Variants in TMEM192 observed in about 807,000 individuals in gnomAD.
TMEM192 encodes the protein transmembrane protein 192.
TMEM192 carries 20 observed loss-of-function variants against 26.7 expected under a neutral mutation model. The observed-to-expected ratio is 0.75, with a 90% CI of 0.53 to 1.09. The LOEUF (loss-of-function observed/expected upper bound fraction) is 1.09, where lower values mean the gene tolerates loss of function less well. TMEM192 is among the 50% of genes least tolerant of loss of function. The pLI is 0.00. For synonymous variants in TMEM192, 124 were observed against 121.0 expected, an observed-to-expected ratio of 1.02 and a Z score of -0.16; for missense variants, 304 against 322.6, an observed-to-expected ratio of 0.94 and a Z score of 0.44.
At chr4:165,092,901 A>G (rs1473996811) in intron 3 of TMEM192, among the ~76,000 whole-genome samples, 1 of 151,844 alleles carries the variant, frequency 6.6e-6, no homozygotes, top group Non-Finnish European at 1.5e-5. Flanking sequence ...TGTCTCTTAA[A>G]AAAAAAATAA....
rs1388741754 is a variant in TMEM192, at chr4:165,079,868, C to G, written c.678-72G>C. ...TCATTAGTGTCTTTGCAAATGAGTA[C>G]CTACTAGTTTTTAGTAAAGCATATT... On this transcript the variant is annotated intron_variant, in intron 5 of 5. Transcript: ENST00000306480. The G allele has an allele frequency of 2.1e-6, 3 of 1,433,642 alleles. No homozygotes were observed. The African/African-American group carries it at 4.3e-5, about 21-fold the overall frequency. 88.8% of individuals were successfully genotyped at this position (1,433,642 alleles called of 1,614,324 possible).
intron 2 of TMEM192, among the ~76,000 whole-genome samples, chr4:165,102,362 G>T (rs1735055648): frequency 2.0e-5 from 3 of 151,974 alleles, no homozygotes; most frequent in Admixed American, 6.6e-5. Flanking sequence ...TTATATTAGT[G>T]TCTCTTCCAC....
chr4:165,073,717 G>A lies in TMEM192; in HGVS notation c.*5941C>T, dbSNP rs1045223391. The A allele has an allele frequency of 3.9e-5, 6 of 152,190 alleles. No homozygotes were observed. The highest frequency in any genetic ancestry group is 1.4e-4 in the African/African-American group (6 of 41,422). The allele number at this position is 152,190 out of a possible 1,614,324, so 9.4% of individuals were successfully genotyped here. A position where few individuals can be genotyped will look rare whatever the true frequency, so the allele number is the denominator to read the frequency against. The stretch of plus-strand genomic sequence containing the variant: ...GATAGGAGAAAACTGCCCTGTGGCT[G>A]GAGGCGAGATATGCTGGCAGCAATA... On this transcript the variant is annotated 3_prime_UTR_variant, in exon 6 of 6. Transcript: ENST00000306480.
intron 1 of TMEM192, among the ~76,000 whole-genome samples, 199 bp from the exon 2 acceptor site, chr4:165,103,295 A>G (rs1018224294): frequency 6.6e-6 from 1 of 151,842 alleles, no homozygotes; most frequent in African/African-American, 2.4e-5. Flanking sequence ...TTTTTTAAAA[A>G]CTGTAGCAAC....
In TMEM192 at chr4:165,097,311, G is replaced by T. The variant is rs1188862891; in HGVS notation, c.439+3317C>A. On this transcript the variant is annotated intron_variant, in intron 3 of 5. Transcript: ENST00000306480. Reference sequence around the variant, plus strand: ...AGATCGAGACCATCCTGGCTAACACGGTGAAACCCCGTCTCTACTAAAAAT... The same window carrying T: ...AGATCGAGACCATCCTGGCTAACACTGTGAAACCCCGTCTCTACTAAAAAT... Among the ~76,000 whole-genome samples the T allele has an allele frequency of 2.6e-5, 4 of 151,964 alleles. No homozygotes were observed. In the South Asian group the frequency reaches 8.3e-4, roughly 31 times the overall value.
chr4:165,093,895 A>G (rs1057357748), intron 3 of TMEM192, among the ~76,000 whole-genome samples: 2 of 150,352 alleles, frequency 1.3e-5, no homozygotes, highest in African/African-American at 4.9e-5. Context: ...TAATTTTTGT[A>G]TTTGTTTTGT....
rs1465443843 is a variant in TMEM192 at position 165,078,419 on chromosome 4, TCA to T, written c.*1237_*1238del. The T allele has an allele frequency of 6.6e-6, 1 of 152,226 alleles. No individual in the cohort carries two copies. Among genetic ancestry groups the T allele is most frequent in the Non-Finnish European group, 1.5e-5 (1 of 68,036 alleles). 9.4% of individuals were successfully genotyped at this position (152,226 alleles called of 1,614,324 possible). A position where few individuals can be genotyped will look rare whatever the true frequency, so the allele number is the denominator to read the frequency against. On this transcript the variant is annotated 3_prime_UTR_variant, in exon 6 of 6. Transcript: ENST00000306480. ...AATGCCATTTGCTCTGAAAAATACT[TCA>T]GTTTTATCTTCAGAATCAGATATGT... is the stretch of plus-strand genomic sequence containing the variant.
At position 165,085,609 on chromosome 4, in the gene TMEM192, AT is replaced by A; in HGVS notation, c.653del (p.Asn218IlefsTer14). 3.1e-6 allele frequency: 5 copies of A among 1,611,526 alleles called. No individual in the cohort carries two copies. The highest frequency in any genetic ancestry group is 4.2e-6 in the Non-Finnish European group (5 of 1,179,104). The part of the protein sequence containing the change: ...EEEKIYAYPS[N>X]ITSETGFRTI... ...ACCTGAATCCAGTCTCCGAGGTAAT[AT>A]TGCTGGGGTAAGCATAGATTTTTTC... On this transcript the variant is annotated frameshift_variant, in exon 5 of 6. Transcript: ENST00000306480. LOFTEE classifies it low-confidence loss of function (END_TRUNC).
At position 165,077,078 on chromosome 4, in the gene TMEM192, G is replaced by A. The variant is rs567012167; in HGVS notation, c.*2580C>T. 2 of 152,306 alleles carry A rather than the reference G, an allele frequency of 1.3e-5. No homozygotes were observed. The highest frequency in any genetic ancestry group is 3.9e-4 in the East Asian group (2 of 5,186). 9.4% of individuals were successfully genotyped at this position (152,306 alleles called of 1,614,324 possible). On this transcript the variant is annotated 3_prime_UTR_variant, in exon 6 of 6. Coordinates refer to ENST00000306480, the MANE Select transcript of TMEM192 (RefSeq NM_001100389.2). The stretch of plus-strand genomic sequence containing the variant: ...AGCCTCCCGAAGTGCTGGGATTACA[G>A]GCGTAAGCCACTGCATCAGCTGTTT...
Position 165,100,846 on chromosome 4 carries a change from T to G in TMEM192, c.221A>C (p.Tyr74Ser). ...LAFLTGVLCS[Y>S]PNPNEDKCPG... ...GCACTTGTCCTCATTTGGATTAGGA[T>G]AAGAACAAAGCACACCTGTTAAAAA... Residue 74 changes from tyrosine (Y) to serine (S), a missense_variant, in exon 3 of 6, where the codon TAT (tyrosine) becomes TCT (serine). Physicochemically the swap from Tyr to Ser is moderately radical, Grantham distance 144 (BLOSUM62 -2). Transcript: ENST00000306480. 6.2e-7 allele frequency: 1 copy of G among 1,613,616 alleles called. No individual in the cohort carries two copies. Among genetic ancestry groups the G allele is most frequent in the Non-Finnish European group, 8.5e-7 (1 of 1,179,942 alleles).
rs1734411307 is a variant in TMEM192 at position 165,077,562 on chromosome 4, TG to T, written c.*2095del. 2.0e-5 allele frequency: 3 copies of T among 152,266 alleles called. No homozygotes were observed. In the South Asian group the frequency reaches 6.2e-4, roughly 32 times the overall value. The allele number at this position is 152,266 out of a possible 1,614,324, so 9.4% of individuals were successfully genotyped here. ...GAGTTTGAGACCAGCCTGGCCAGCA[TG>T]GTGAAACCCCGCCTGTACTAAAAAT... On this transcript the variant is annotated 3_prime_UTR_variant, in exon 6 of 6. Coordinates refer to ENST00000306480, the MANE Select transcript of TMEM192 (RefSeq NM_001100389.2).
At chr4:165,079,825 ACACATATT>A (rs1308520304) in intron 5 of TMEM192, 29 bp from the exon 6 acceptor site, 2 of 1,607,622 alleles carry the variant, frequency 1.2e-6, no homozygotes, top group Non-Finnish European at 1.7e-6. Flanking sequence ...TAAATGGGTT[ACACATATT>A]CACCAATACT....
intron 1 of TMEM192, among the ~76,000 whole-genome samples, chr4:165,109,045 T>C (rs975664621): frequency 6.6e-6 from 1 of 152,238 alleles, no homozygotes; most frequent in African/African-American, 2.4e-5. Context: ...TATCATACGT[T>C]ATATCTAGCT....
rs1404610220 is a variant in TMEM192 at position 165,079,574 on chromosome 4, G to A, written c.*84C>T. ...AAAATGCTATTCAGCAAAAGCTGCA[G>A]TTCCCCGTGGCAGCTTGTCAGGTGG... On this transcript the variant is annotated 3_prime_UTR_variant, in exon 6 of 6. Coordinates refer to ENST00000306480, the MANE Select transcript of TMEM192 (RefSeq NM_001100389.2). The A allele has an allele frequency of 4.8e-6, 7 of 1,448,930 alleles. No homozygotes were observed. The African/African-American group carries it at 1.0e-4, about 21-fold the overall frequency. 89.8% of individuals were successfully genotyped at this position (1,448,930 alleles called of 1,614,324 possible).
intron 3 of TMEM192, among the ~76,000 whole-genome samples, chr4:165,095,263 T>C (rs1213689920): frequency 1.5e-4 from 23 of 152,154 alleles, no homozygotes; most frequent in Non-Finnish European, 2.9e-5. Flanking sequence ...CCATATATCA[T>C]TATTATTATT....
intron 1 of TMEM192, among the ~76,000 whole-genome samples, chr4:165,107,293 A>T (rs759650709): frequency 1.3e-5 from 2 of 151,142 alleles, no homozygotes; most frequent in Non-Finnish European, 2.9e-5. Flanking sequence ...AAGTGCTGGG[A>T]TTACAGGTGT....
At chr4:165,102,661 G>A (rs1444450621) in intron 2 of TMEM192, among the ~76,000 whole-genome samples, 2 of 152,094 alleles carry the variant, frequency 1.3e-5, no homozygotes, top group African/African-American at 2.4e-5. Context: ...TGGATGCCAA[G>A]TAGCCAGGTA....
chr4:165,104,331 G>A (rs1025213382), intron 1 of TMEM192, among the ~76,000 whole-genome samples: 1 of 152,182 alleles, frequency 6.6e-6, no homozygotes, highest in African/African-American at 2.4e-5. Context: ...AAGGATTCAT[G>A]AATAGGTTTT....
At chr4:165,097,411 C>G (rs559641796) in intron 3 of TMEM192, among the ~76,000 whole-genome samples, 1 of 149,278 alleles carries the variant, frequency 6.7e-6, no homozygotes, top group Admixed American at 6.7e-5. Context: ...GGAGAATGGC[C>G]TGAACCCGGG....
Sources: gnomAD v4.1 joint callset for allele counts (sites outside exome capture counted in the v4.1 genomes callset) on GRCh38, gnomAD v4.1.1 for gene constraint, MANE v1.5 for transcripts, NCBI Gene and HGNC (gene_info 2026-07-23, HGNC 2026-07-21) for gene names.